ADGRE1: variants seen among roughly 807,000 people sequenced by gnomAD.
The protein encoded by ADGRE1 is adhesion G protein-coupled receptor E1, also known as EGF-like module receptor 1.
A neutral mutation model predicts 102.7 loss-of-function variants in ADGRE1; 82 were observed. The ratio of observed to expected loss-of-function variants is 0.80; its 90% CI spans 0.67 to 0.96. The LOEUF (loss-of-function observed/expected upper bound fraction) is 0.96. Ranked by LOEUF, ADGRE1 falls within the 40% of genes least tolerant of loss-of-function variation. The pLI is 0.00. For missense variants in ADGRE1, 1,032 were observed against 1,085.3 expected (o/e 0.95, Z 0.69); for synonymous variants, 398 against 399.6 (o/e 1.00, Z 0.05).
chr19:6,937,408 C>A lies in ADGRE1; in HGVS notation c.2547C>A (p.Gly849=), dbSNP rs753216730. 6.2e-7 allele frequency: 1 copy of A among 1,613,130 alleles called. No homozygotes were observed. Among genetic ancestry groups the A allele is most frequent in the Non-Finnish European group, 8.5e-7 (1 of 1,179,810 alleles). Residue 849 remains glycine (G), a synonymous_variant, in exon 19 of 21, where the codon GGC becomes GGA. Coordinates refer to ENST00000312053, the MANE Select transcript of ADGRE1 (RefSeq NM_001974.5). ...FIFLIHCLLN[G]QVREEYKRWI... The stretch of plus-strand genomic sequence containing the variant: ...TCCTCATCCACTGTCTGCTCAACGG[C>A]CAGGTGTGTAGCTGCTGCCCTCCCC...
At position 6,939,239 on chromosome 19, in the gene ADGRE1, G is replaced by A. The variant is rs560804216; in HGVS notation, c.2656-785G>A. On this transcript the variant is annotated intron_variant, in intron 20 of 20. Coordinates refer to ENST00000312053, the MANE Select transcript of ADGRE1 (RefSeq NM_001974.5). ...TTGGCAATACATTTTTAAACATAAT[G>A]CAGTTTACTATAGTTTTAATGAAAA... is the stretch of plus-strand genomic sequence containing the variant. 7.2e-5 allele frequency among the ~76,000 whole-genome samples: 11 copies of A among 152,246 alleles called. 1 individual carries two copies. The South Asian group carries it at 2.3e-3, about 32-fold the overall frequency.
intron 2 of ADGRE1, chr19:6,895,636 CCAAGGGGAGG>C (rs1973521033): frequency 6.6e-6 from 1 of 152,164 alleles, no homozygotes. Flanking sequence ...TTCTTGGAAT[CCAAGGGGAGG>C]CAGGTGATAC....
chr19:6,930,276 G>A (rs535382242), intron 17 of ADGRE1, among the ~76,000 whole-genome samples: 28 of 152,210 alleles, frequency 1.8e-4, no homozygotes, highest in African/African-American at 6.5e-4. Flanking sequence ...GAGGGAAATG[G>A]TGGATCGAGG....
intron 11 of ADGRE1, 74 bp downstream of exon 11, chr19:6,913,904 C>A (rs1235813513): frequency 2.1e-6 from 3 of 1,430,884 alleles, no homozygotes; most frequent in Admixed American, 4.5e-5. Flanking sequence ...ATGGGATATT[C>A]CCTGGGTTTC....
intron 2 of ADGRE1, among the ~76,000 whole-genome samples, chr19:6,893,349 C>T (rs957589428): frequency 6.6e-6 from 1 of 152,126 alleles, no homozygotes; most frequent in Non-Finnish European, 1.5e-5. Flanking sequence ...AGGCATGAAC[C>T]ACCATGCCTG....
At chr19:6,895,746 T>C (rs1373988553) in intron 2 of ADGRE1, 1 of 152,234 alleles carries the variant, frequency 6.6e-6, no homozygotes, top group Non-Finnish European at 1.5e-5. Context: ...CTTGTTCAAA[T>C]GCAGATTCTG....
At chr19:6,932,597 T>C (rs1975208293) in intron 17 of ADGRE1, among the ~76,000 whole-genome samples, 1 of 152,254 alleles carries the variant, frequency 6.6e-6, no homozygotes, top group Non-Finnish European at 1.5e-5. Flanking sequence ...AAGTTGATCC[T>C]GATGCTCTTC....
At position 6,929,925 on chromosome 19, in the gene ADGRE1, G is replaced by A. The variant is rs144899870; in HGVS notation, c.2289+1714G>A. Reference sequence around the variant, plus strand: ...CTCCCAAAGTGCTGGGATTTCAAGCGTGAGTCTCTGCGCCCAGCCAGAGCT... The same window carrying A: ...CTCCCAAAGTGCTGGGATTTCAAGCATGAGTCTCTGCGCCCAGCCAGAGCT... On this transcript the variant is annotated intron_variant, in intron 17 of 20. Coordinates refer to ENST00000312053, the MANE Select transcript of ADGRE1 (RefSeq NM_001974.5). Among the ~76,000 whole-genome samples, 261 of 152,178 alleles carry A rather than the reference G, an allele frequency of 1.7e-3. 1 individual carries two copies. Among genetic ancestry groups the A allele is most frequent in the African/African-American group, 5.5e-3 (230 of 41,544 alleles).
At chr19:6,922,612 TCACACACACACACACACA>T (rs770150909) in intron 14 of ADGRE1, among the ~76,000 whole-genome samples, 16 of 123,234 alleles carry the variant, frequency 1.3e-4, no homozygotes, top group Admixed American at 3.4e-4. Context: ...AGACTCTGTC[TCACACACACACACACACA>T]CACACACACA....
intron 10 of ADGRE1, among the ~76,000 whole-genome samples, chr19:6,911,698 C>A (rs1041393060): frequency 6.6e-6 from 1 of 151,350 alleles, no homozygotes; most frequent in East Asian, 1.9e-4. Flanking sequence ...CGTATACACA[C>A]GTGTACACAC....
In ADGRE1 at chr19:6,928,122, ACTC is replaced by A. The variant is rs1568361554; in HGVS notation, c.2223-17_2223-15del. The A allele has an allele frequency of 5.6e-6, 9 of 1,609,858 alleles. No individual in the cohort carries two copies. Among genetic ancestry groups the A allele is most frequent in the African/African-American group, 4.0e-5 (3 of 74,628 alleles). On this transcript the variant is annotated intron_variant, in intron 16 of 20. Transcript: ENST00000312053. Reference sequence around the variant, plus strand: ...GGTCAGGACTCTGAGACAAGCGCTGACTCCTCCTATTTCTCTCCACAGCTGCTG... The same window carrying A: ...GGTCAGGACTCTGAGACAAGCGCTGACTCCTATTTCTCTCCACAGCTGCTG...
chr19:6,895,421 G>A (rs1333254132), intron 2 of ADGRE1: 3 of 152,262 alleles, frequency 2.0e-5, no homozygotes, highest in Non-Finnish European at 2.9e-5. Flanking sequence ...TTGGCTTTGA[G>A]GTTTGCTGCT....
chr19:6,893,396 T>C (rs916177905), intron 2 of ADGRE1, among the ~76,000 whole-genome samples: 1 of 152,070 alleles, frequency 6.6e-6, no homozygotes. Context: ...GACGGGGGCT[T>C]CTTCATGTTG....
At chr19:6,915,638 A>G (rs1423160465) in intron 11 of ADGRE1, among the ~76,000 whole-genome samples, 1 of 151,936 alleles carries the variant, frequency 6.6e-6, no homozygotes, top group Non-Finnish European at 1.5e-5. Context: ...AAACTTATAT[A>G]AGGCCGGGGG....
At chr19:6,902,372 C>T (rs374346838) in intron 6 of ADGRE1, among the ~76,000 whole-genome samples, 3 of 152,164 alleles carry the variant, frequency 2.0e-5, no homozygotes, top group African/African-American at 7.2e-5. Context: ...TCCATGTTCT[C>T]AACCCCTCCA....
rs1385677125 is a variant in ADGRE1, at chr19:6,908,568, C to G, written c.1039-121C>G. 8 of 723,036 alleles carry G rather than the reference C, an allele frequency of 1.1e-5. No homozygotes were observed. The East Asian group carries it at 2.2e-4, about 20-fold the overall frequency. The allele number at this position is 723,036 out of a possible 1,614,324, so 44.8% of individuals were successfully genotyped here. Reference sequence around the variant, plus strand: ...TTAGTTTCCCTGAGAATTCTAGAGACTCAGGAATTCAGAGCCACCTCATAT... The same window carrying G: ...TTAGTTTCCCTGAGAATTCTAGAGAGTCAGGAATTCAGAGCCACCTCATAT... On this transcript the variant is annotated intron_variant, in intron 9 of 20. Transcript: ENST00000312053.
At position 6,901,975 on chromosome 19, in the gene ADGRE1, C is replaced by T; in HGVS notation, c.615C>T (p.Ser205=). 6.2e-7 allele frequency: 1 copy of T among 1,614,166 alleles called. No homozygotes were observed. Among genetic ancestry groups the T allele is most frequent in the Non-Finnish European group, 8.5e-7 (1 of 1,180,030 alleles). The change falls in exon 6 of 21, where the codon TCC becomes TCT. Residue 205 remains serine (S), a synonymous_variant. Coordinates refer to ENST00000312053, the MANE Select transcript of ADGRE1 (RefSeq NM_001974.5). ...GTTTCTGCAACCCAGGATTTGAATC[C>T]AGCAGTGGCCACTTGAGTTTCCAGG... ...YSCFCNPGFE[S]SSGHLSFQGL... is the part of the protein sequence containing the mutation.
Position 6,908,786 on chromosome 19 carries a change from CT to C in ADGRE1, c.1122+18del. ...GTTTCTCTGAAGGTAACGATTGGGT[CT>C]TTTAAATTGTGTTTTGAGTTTCAAA... On this transcript the variant is annotated intron_variant, in intron 10 of 20. Transcript: ENST00000312053. The C allele has an allele frequency of 6.3e-7, 1 of 1,597,584 alleles. No individual in the cohort carries two copies. Among genetic ancestry groups the C allele is most frequent in the East Asian group, 2.2e-5 (1 of 44,576 alleles).
chr19:6,900,564 G>A (rs1973729529), intron 5 of ADGRE1, among the ~76,000 whole-genome samples: 1 of 152,158 alleles, frequency 6.6e-6, no homozygotes, highest in African/African-American at 2.4e-5. Flanking sequence ...CATCACTGCA[G>A]CAGCCTCCTC....
Sources: gnomAD v4.1 joint callset for allele counts (sites outside exome capture counted in the v4.1 genomes callset) on GRCh38, gnomAD v4.1.1 for gene constraint, MANE v1.5 for transcripts, NCBI Gene and HGNC (gene_info 2026-07-23, HGNC 2026-07-21) for gene names.